The following NRROS variants were observed in gnomAD, a reference collection of about 807,000 sequenced individuals.
NRROS encodes negative regulator of reactive oxygen species.
A neutral mutation model predicts 12.0 loss-of-function variants in NRROS; 6 were observed. The observed-to-expected ratio is 0.50, with a 90% confidence interval of 0.27 to 0.98. The LOEUF is 0.98. Ranked by LOEUF, NRROS falls within the 50% of genes least tolerant of loss-of-function variation. The probability of loss-of-function intolerance (pLI) is 0.11; values close to 1 mark genes in which losing one functional copy is unlikely to be tolerated. For synonymous variants in NRROS, 462 were observed against 410.2 expected (o/e 1.13, Z -1.53); for missense variants, 857 against 888.2 (o/e 0.96, Z 0.45).
rs750993581 is a variant in NRROS at position 196,660,196 on chromosome 3, GA to G, written c.554del (p.Glu185GlyfsTer23). ...CTTCGAGGGCCTGGAGCGTCTCCGG[GA>G]GCTGGATCTGCAGAGGAACTACATC... ...SVFEGLERLR[E>X]LDLQRNYIFE... On this transcript the variant is annotated frameshift_variant, in exon 3 of 3. Coordinates refer to ENST00000328557, the MANE Select transcript of NRROS (RefSeq NM_198565.3). LOFTEE classifies it low-confidence loss of function (END_TRUNC). The surrounding 1 kb of genome is among the most constrained non-coding windows in gnomAD (Gnocchi z 7.7). 12 of 1,613,254 alleles carry G rather than the reference GA, an allele frequency of 7.4e-6. No individual in the cohort carries two copies. Among genetic ancestry groups the G allele is most frequent in the Non-Finnish European group, 1.0e-5 (12 of 1,180,034 alleles).
chr3:196,641,043 C>A (rs1199753253), intron 1 of NRROS, among the ~76,000 whole-genome samples: 2 of 152,080 alleles, frequency 1.3e-5, no homozygotes, highest in East Asian at 3.8e-4. Flanking sequence ...TCTCCTCACA[C>A]ACCTCTTAGG....
Position 196,660,051 on chromosome 3 carries a change from G to T in NRROS, c.408G>T (p.Arg136Ser), listed in dbSNP as rs755192828. 19 of 1,613,224 alleles carry T rather than the reference G, an allele frequency of 1.2e-5. No individual in the cohort carries two copies. Among genetic ancestry groups the T allele is most frequent in the Non-Finnish European group, 1.6e-5 (19 of 1,179,974 alleles). Residue 136 changes from arginine (R) to serine (S), a missense_variant, in exon 3 of 3, where the codon AGG (arginine) becomes AGT (serine). By Grantham distance (110) the Arg-to-Ser change is moderately radical. Coordinates refer to ENST00000328557, the MANE Select transcript of NRROS (RefSeq NM_198565.3). This position sits in a 1 kb window ranked among gnomAD's most constrained non-coding sequence, Gnocchi z 7.7. The stretch of plus-strand genomic sequence containing the variant: ...TCCACGCCCTGCCGGGCCTGCGGAG[G>T]CTGGACTTGTCAGGAAACGCCCTGA... The part of the protein sequence containing the change: ...AALHALPGLR[R>S]LDLSGNALTE...
chr3:196,640,018 C>CG (rs1295567388), intron 1 of NRROS, 143 bp downstream of exon 1: 2 of 152,390 alleles, frequency 1.3e-5, no homozygotes, highest in African/African-American at 4.8e-5. Context: ...TGGCTTGCTG[C>CG]GTCCAAGCGC....
rs376108750 is a variant in NRROS, at chr3:196,660,702, C to T, written c.1059C>T (p.Ser353=). The T allele has an allele frequency of 9.9e-6, 16 of 1,614,042 alleles. No individual in the cohort carries two copies. The highest frequency in any genetic ancestry group is 8.9e-5 in the East Asian group (4 of 44,896). The change falls in exon 3 of 3, where the codon TCC becomes TCT. Residue 353 remains serine, a synonymous_variant. Transcript: ENST00000328557. This position sits in a 1 kb window ranked among gnomAD's most constrained non-coding sequence, Gnocchi z 7.7. ...ACGGCTTCCTGAGGAAAATGCCTTCCCTCTCCCACCTGAACCTCCACCAGA... is the reference window on the plus strand; with the variant it reads ...ACGGCTTCCTGAGGAAAATGCCTTCTCTCTCCCACCTGAACCTCCACCAGA... The part of the protein sequence containing the change: ...LPDGFLRKMP[S]LSHLNLHQNC...
At position 196,661,620 on chromosome 3, in the gene NRROS, C is replaced by G. The variant is rs754081944; in HGVS notation, c.1977C>G (p.Ser659Arg). 6.2e-7 allele frequency: 1 copy of G among 1,612,828 alleles called. No homozygotes were observed. The highest frequency in any genetic ancestry group is 8.5e-7 in the Non-Finnish European group (1 of 1,180,018). ...TCTACCTCGTGCTCATCCTCCCCAG[C>G]TGCCTCACCCTGCTGGTGGCCTGCA... ...GLLYLVLILP[S>R]CLTLLVACTV... Residue 659 changes from serine (S) to arginine (R), a missense_variant, in exon 3 of 3, where the codon AGC becomes AGG. By Grantham distance (110) the Ser-to-Arg change is moderately radical. Coordinates refer to ENST00000328557, the MANE Select transcript of NRROS (RefSeq NM_198565.3).
At position 196,654,252 on chromosome 3, in the gene NRROS, C is replaced by A. The variant is rs1202654130; in HGVS notation, c.-13-275C>A. On this transcript the variant is annotated intron_variant, in intron 1 of 2. Transcript: ENST00000328557. The surrounding 1 kb of genome is among the most constrained non-coding windows in gnomAD (Gnocchi z 4.4). ...GGTTACTCAAGCTTTTTGCTTCTCCCTTCTGTGCTGGACTCGCTGAAGTTT... is the reference window on the plus strand; with the variant it reads ...GGTTACTCAAGCTTTTTGCTTCTCCATTCTGTGCTGGACTCGCTGAAGTTT... 6.6e-6 allele frequency among the ~76,000 whole-genome samples: 1 copy of A among 152,226 alleles called. No individual in the cohort carries two copies. Among genetic ancestry groups the A allele is most frequent in the Non-Finnish European group, 1.5e-5 (1 of 68,040 alleles).
intron 1 of NRROS, among the ~76,000 whole-genome samples, chr3:196,652,528 T>G (rs1057027634): frequency 6.6e-6 from 1 of 152,348 alleles, no homozygotes; most frequent in African/African-American, 2.4e-5. Context: ...TCTGGTCTGC[T>G]TGGTTCCAAA....
intron 2 of NRROS, among the ~76,000 whole-genome samples, chr3:196,655,261 G>A (rs1163056168): frequency 6.1e-5 from 9 of 148,122 alleles, no homozygotes; most frequent in East Asian, 6.0e-4. Context: ...AAAGCCAGGC[G>A]CGGTGGCTCA....
At chr3:196,648,078 G>A (rs1737345492) in intron 1 of NRROS, among the ~76,000 whole-genome samples, 1 of 152,176 alleles carries the variant, frequency 6.6e-6, no homozygotes, top group Admixed American at 6.6e-5. Flanking sequence ...GTATGTTAAT[G>A]ATTCCTGGAA....
chr3:196,647,494 T>A (rs1485193373), intron 1 of NRROS, among the ~76,000 whole-genome samples: 1 of 147,066 alleles, frequency 6.8e-6, no homozygotes, highest in Non-Finnish European at 1.5e-5. Flanking sequence ...CATCCACCAT[T>A]TGAATATTTA....
chr3:196,641,092 T>C (rs1160948844), intron 1 of NRROS, among the ~76,000 whole-genome samples: 1 of 152,006 alleles, frequency 6.6e-6, no homozygotes, highest in Non-Finnish European at 1.5e-5. Flanking sequence ...AAGGAGATTA[T>C]AGAATCATGG....
intron 1 of NRROS, among the ~76,000 whole-genome samples, chr3:196,646,019 G>A (rs1737303378): frequency 1.3e-5 from 2 of 152,238 alleles, no homozygotes; most frequent in African/African-American, 2.4e-5. Flanking sequence ...CCTCCTGCAG[G>A]CCTTGGAAGG....
In NRROS at chr3:196,645,580, C is replaced by T. The variant is rs534741891; in HGVS notation, c.-14+5705C>T. On this transcript the variant is annotated intron_variant, in intron 1 of 2. Coordinates refer to ENST00000328557, the MANE Select transcript of NRROS (RefSeq NM_198565.3). Reference sequence around the variant, plus strand: ...GAGCTGTCACAGTGAAGAGCCCGGACAGAATCTGGGAGTGATTATGCAGAC... The same window carrying T: ...GAGCTGTCACAGTGAAGAGCCCGGATAGAATCTGGGAGTGATTATGCAGAC... 3.3e-5 allele frequency among the ~76,000 whole-genome samples: 5 copies of T among 152,300 alleles called. No homozygotes were observed. The East Asian group carries it at 9.6e-4, about 29-fold the overall frequency.
intron 2 of NRROS, among the ~76,000 whole-genome samples, chr3:196,655,200 A>T (rs908171199): frequency 9.1e-5 from 13 of 142,608 alleles, no homozygotes; most frequent in Admixed American, 6.6e-4. Context: ...ATGCCCCTGC[A>T]CTCCAACCTA....
chr3:196,650,944 C>T (rs907713243), intron 1 of NRROS, among the ~76,000 whole-genome samples: 24 of 152,210 alleles, frequency 1.6e-4, no homozygotes, highest in African/African-American at 4.8e-4. Flanking sequence ...CCTCGGGAAG[C>T]GGCTGGGCTT....
intron 2 of NRROS, among the ~76,000 whole-genome samples, chr3:196,657,326 A>G (rs901482090): frequency 2.6e-5 from 4 of 152,132 alleles, no homozygotes; most frequent in Non-Finnish European, 4.4e-5. Flanking sequence ...CGACTGCAGC[A>G]GCTGTGGTGG....
Position 196,652,068 on chromosome 3 carries a change from G to A in NRROS, c.-13-2459G>A, listed in dbSNP as rs561154790. Among the ~76,000 whole-genome samples the A allele has an allele frequency of 3.9e-5, 6 of 152,330 alleles. No homozygotes were observed. The East Asian group carries it at 7.7e-4, about 20-fold the overall frequency. On this transcript the variant is annotated intron_variant, in intron 1 of 2. Coordinates refer to ENST00000328557, the MANE Select transcript of NRROS (RefSeq NM_198565.3). ...TGAGGAGGGCAGGGAAGGGGAAGGC[G>A]CAGCTCTGGGGACAAACCGCTGTCA...
chr3:196,655,910 C>A (rs192711220), intron 2 of NRROS, among the ~76,000 whole-genome samples: 246 of 152,322 alleles, frequency 1.6e-3, no homozygotes, highest in African/African-American at 5.3e-3. Flanking sequence ...GCATGGCTCA[C>A]GCCTGTCATC....
At chr3:196,648,798 A>G (rs1412400488) in intron 1 of NRROS, among the ~76,000 whole-genome samples, 1 of 145,612 alleles carries the variant, frequency 6.9e-6, no homozygotes, top group East Asian at 2.0e-4. Flanking sequence ...AAATTCCAAC[A>G]TCCACTCAAG....
Sources: allele counts gnomAD v4.1 joint callset (sites outside exome capture counted in the v4.1 genomes callset), GRCh38; gene constraint gnomAD v4.1.1; non-coding constraint Gnocchi (gnomAD v3.1); transcripts MANE v1.5; gene names NCBI Gene and HGNC (gene_info 2026-07-23, HGNC 2026-07-21).